ATP2A3: variants seen among roughly 807,000 people sequenced by gnomAD.
The protein encoded by ATP2A3 is sarcoplasmic/endoplasmic reticulum calcium ATPase 3.
In ATP2A3, 61 loss-of-function variants were observed where a neutral mutation model predicts 106.8. The observed-to-expected ratio is 0.57, with a 90% CI of 0.46 to 0.71. The LOEUF (loss-of-function observed/expected upper bound fraction) is 0.71, where lower values mean the gene tolerates loss of function less well. ATP2A3 is among the 30% of genes least tolerant of loss of function. The pLI is 0.00. For synonymous variants in ATP2A3, 611 were observed against 609.3 expected, an observed-to-expected ratio of 1.00 and a Z score of -0.04; for missense variants, 1,201 against 1,423.5, an observed-to-expected ratio of 0.84 and a Z score of 2.52.
chr17:3,945,229 C>A, intron 8 of ATP2A3, 81 bp from the exon 9 acceptor site: 1 of 1,367,776 alleles, frequency 7.3e-7, no homozygotes, highest in African/African-American at 1.5e-5. Context: ...AGGGTGGGGT[C>A]CTGCAGGCCC....
Position 3,930,394 on chromosome 17 carries a change from G to A in ATP2A3, c.2651C>T (p.Ala884Val), listed in dbSNP as rs147136003. Residue 884 changes from alanine (A) to valine (V), a missense_variant, in exon 18 of 21, where the codon GCC becomes GTC. Around this residue, in one of 2 missense-constraint regions of ATP2A3, gnomAD observed 935 missense variants for 1,176.7 expected, o/e 0.79. Transcript: ENST00000397041. The surrounding 1 kb of genome is among the most constrained non-coding windows in gnomAD (Gnocchi z 5.4). ...CTCGAACACCTCACAGTCGATGCCG[G>A]CAAAGAGCGGGTTGTCTTCGGAGCA... ...LKCSEDNPLF[A>V]GIDCEVFESR... 17 of 1,613,820 alleles carry A rather than the reference G, an allele frequency of 1.1e-5. No individual in the cohort carries two copies. Among genetic ancestry groups the A allele is most frequent in the African/African-American group, 9.3e-5 (7 of 74,950 alleles).
Position 3,926,920 on chromosome 17 carries a change from CG to C in ATP2A3, c.2981-1480del. The C allele has an allele frequency of 1.0e-6, 1 of 985,466 alleles. No individual in the cohort carries two copies. The highest frequency in any genetic ancestry group is 1.2e-6 in the Non-Finnish European group (1 of 829,936). The allele number at this position is 985,466 out of a possible 1,614,324, so 61.0% of individuals were successfully genotyped here. ...CCTCCATGGTTGACACAGTCCGCACCGTGCTTACACTCCTCCCGTGCTTCCC... is the reference window on the plus strand; with the variant it reads ...CCTCCATGGTTGACACAGTCCGCACCTGCTTACACTCCTCCCGTGCTTCCC... On this transcript the variant is annotated intron_variant, in intron 20 of 20. Coordinates refer to ENST00000397041, the MANE Select transcript of ATP2A3 (RefSeq NM_005173.4). This position sits in a 1 kb window ranked among gnomAD's most constrained non-coding sequence, Gnocchi z 4.6.
At chr17:3,951,559 T>TGC in intron 4 of ATP2A3, 22 bp downstream of exon 4, 7 of 596,236 alleles carry the variant, frequency 1.2e-5, no homozygotes, top group Non-Finnish European at 1.5e-5. Context: ...CCCCGCCCGG[T>TGC]CCCACCCCCA....
At position 3,955,422 on chromosome 17, in the gene ATP2A3, A is replaced by T. The variant is rs2054717543; in HGVS notation, c.119-1712T>A. Among the ~76,000 whole-genome samples, 1 of 152,128 alleles carries T rather than the reference A, an allele frequency of 6.6e-6. No homozygotes were observed. The highest frequency in any genetic ancestry group is 6.5e-5 in the Admixed American group (1 of 15,272). ...ATAGCCTAAAAATACACTTTCTAGC[A>T]TTTTCTCCAAAGTCCTATTTTCGGC... On this transcript the variant is annotated intron_variant, in intron 1 of 20. Transcript: ENST00000397041. The surrounding 1 kb of genome is among the most constrained non-coding windows in gnomAD (Gnocchi z 4.2).
intron 7 of ATP2A3, among the ~76,000 whole-genome samples, chr17:3,950,197 C>T (rs2054335652): frequency 6.7e-6 from 1 of 149,230 alleles, no homozygotes; most frequent in Non-Finnish European, 1.5e-5. Flanking sequence ...GTTTTGCTCT[C>T]GTCACCCAGG....
chr17:3,950,694 C>G lies in ATP2A3; in HGVS notation c.543G>C (p.Thr181=). The change falls in exon 6 of 21, where the codon ACG becomes ACC. Residue 181 remains threonine, a splice_region_variant and synonymous_variant. Transcript: ENST00000397041. ...CCGGCCTCCTGGGGGGGGCCTCACC[C>G]GTCAGGATGGACTGGTCCACTCGCA... ...TTLRVDQSIL[T]GESVSVTKHT... 1.2e-6 allele frequency: 2 copies of G among 1,613,988 alleles called. No homozygotes were observed. The highest frequency in any genetic ancestry group is 1.7e-6 in the Non-Finnish European group (2 of 1,180,010).
intron 1 of ATP2A3, among the ~76,000 whole-genome samples, chr17:3,960,719 C>T (rs370397758): frequency 2.0e-5 from 3 of 152,196 alleles, no homozygotes; most frequent in Admixed American, 1.3e-4. Flanking sequence ...CAGATCAGAC[C>T]GTCTGATCCC....
rs2053447332 is a variant in ATP2A3, at chr17:3,936,476, CAG to C, written c.2322-9_2322-8del. On this transcript the variant is annotated splice_polypyrimidine_tract_variant and splice_region_variant and intron_variant, in intron 15 of 20. Coordinates refer to ENST00000397041, the MANE Select transcript of ATP2A3 (RefSeq NM_005173.4). This position sits in a 1 kb window ranked among gnomAD's most constrained non-coding sequence, Gnocchi z 5.4. ...AATTGCCGTGAGGAAGATGCTGGAA[CAG>C]AGTCATGAGCTCTAGCCCCGGTAGG... 1 of 1,613,810 alleles carries C rather than the reference CAG, an allele frequency of 6.2e-7. No homozygotes were observed. The highest frequency in any genetic ancestry group is 8.5e-7 in the Non-Finnish European group (1 of 1,179,996).
Position 3,964,270 on chromosome 17 carries a change from G to A in ATP2A3, c.22C>T (p.Pro8Ser), listed in dbSNP as rs1169971657. The change falls in exon 1 of 21, where the codon CCG becomes TCG. Residue 8 changes from proline to serine, a missense_variant. Pro to Ser is a moderately conservative substitution (Grantham distance 74, BLOSUM62 -1). This residue lies in a region of ATP2A3 where 266 missense variants were observed against 246.8 expected (regional missense o/e 1.08). Coordinates refer to ENST00000397041, the MANE Select transcript of ATP2A3 (RefSeq NM_005173.4). MEAAHLL[P>S]AADVLRHFSV... Reference sequence around the variant, plus strand: ...AAGTGGCGCAGCACGTCGGCGGCCGGGAGCAGATGCGCCGCCTCCATGCCG... The same window carrying A: ...AAGTGGCGCAGCACGTCGGCGGCCGAGAGCAGATGCGCCGCCTCCATGCCG... 3.1e-6 allele frequency: 4 copies of A among 1,282,866 alleles called. No individual in the cohort carries two copies. Among genetic ancestry groups the A allele is most frequent in the South Asian group, 3.3e-5 (2 of 59,940 alleles). 79.5% of individuals were successfully genotyped at this position (1,282,866 alleles called of 1,614,324 possible). A position where few individuals can be genotyped will look rare whatever the true frequency, so the allele number is the denominator to read the frequency against.
Position 3,964,276 on chromosome 17 carries a change from G to T in ATP2A3, c.16C>A (p.Leu6Met). Residue 6 changes from leucine (L) to methionine (M), a missense_variant, in exon 1 of 21, where the codon CTG becomes ATG. Leu to Met is a conservative substitution (Grantham distance 15). Coordinates refer to ENST00000397041, the MANE Select transcript of ATP2A3 (RefSeq NM_005173.4). MEAAH[L>M]LPAADVLRHF... ...CGCAGCACGTCGGCGGCCGGGAGCA[G>T]ATGCGCCGCCTCCATGCCGCCCGCC... 7.8e-7 allele frequency: 1 copy of T among 1,281,608 alleles called. No homozygotes were observed. Among genetic ancestry groups the T allele is most frequent in the South Asian group, 1.7e-5 (1 of 59,924 alleles). The allele number at this position is 1,281,608 out of a possible 1,614,324, so 79.4% of individuals were successfully genotyped here. A position where few individuals can be genotyped will look rare whatever the true frequency, so the allele number is the denominator to read the frequency against.
rs999341143 is a variant in ATP2A3, at chr17:3,930,526, C to T, written c.2611-92G>A. Reference sequence around the variant, plus strand: ...GAAGCCTCATCCTGCCCTTGGCCCACGCCTGGGCACAACCAGCACACAAAA... The same window carrying T: ...GAAGCCTCATCCTGCCCTTGGCCCATGCCTGGGCACAACCAGCACACAAAA... On this transcript the variant is annotated intron_variant, in intron 17 of 20. Coordinates refer to ENST00000397041, the MANE Select transcript of ATP2A3 (RefSeq NM_005173.4). This position sits in a 1 kb window ranked among gnomAD's most constrained non-coding sequence, Gnocchi z 5.4. 51 of 1,543,990 alleles carry T rather than the reference C, an allele frequency of 3.3e-5. No homozygotes were observed. Among genetic ancestry groups the T allele is most frequent in the South Asian group, 1.0e-4 (9 of 88,106 alleles).
intron 11 of ATP2A3, 59 bp from the exon 12 acceptor site, chr17:3,942,790 TC>T: frequency 6.2e-7 from 1 of 1,601,568 alleles, no homozygotes. Context: ...TCGCCTGCCT[TC>T]CCACCAACTG....
chr17:3,959,005 C>T (rs912574389), intron 1 of ATP2A3, among the ~76,000 whole-genome samples: 1 of 151,502 alleles, frequency 6.6e-6, no homozygotes, highest in East Asian at 1.9e-4. Flanking sequence ...GATTCTCCTG[C>T]CTCAGCCTCC....
rs1567674464 is a variant in ATP2A3, at chr17:3,928,189, GA to G, written c.2980+473del. 3 of 1,609,862 alleles carry G rather than the reference GA, an allele frequency of 1.9e-6. No individual in the cohort carries two copies. The highest frequency in any genetic ancestry group is 2.5e-6 in the Non-Finnish European group (3 of 1,176,484). On this transcript the variant is annotated intron_variant, in intron 20 of 20. Coordinates refer to ENST00000397041, the MANE Select transcript of ATP2A3 (RefSeq NM_005173.4). The surrounding 1 kb of genome is among the most constrained non-coding windows in gnomAD (Gnocchi z 6.1). ...AGGCAGACCCAGAGCTGTGAGCTCAGAAACAACCCTCCCCTTGACCCACCCA... is the reference window on the plus strand; with the variant it reads ...AGGCAGACCCAGAGCTGTGAGCTCAGAACAACCCTCCCCTTGACCCACCCA...
Position 3,928,160 on chromosome 17 carries a change from G to A in ATP2A3, c.2980+503C>T, listed in dbSNP as rs904420624. The A allele has an allele frequency of 1.9e-6, 3 of 1,603,450 alleles. No individual in the cohort carries two copies. Among genetic ancestry groups the A allele is most frequent in the African/African-American group, 1.3e-5 (1 of 74,688 alleles). On this transcript the variant is annotated intron_variant, in intron 20 of 20. Coordinates refer to ENST00000397041, the MANE Select transcript of ATP2A3 (RefSeq NM_005173.4). The surrounding 1 kb of genome is among the most constrained non-coding windows in gnomAD (Gnocchi z 6.1). ...GCCATCCTGTCCTCTCCACTCCGGGGTTAAGGCAGACCCAGAGCTGTGAGC... is the reference window on the plus strand; with the variant it reads ...GCCATCCTGTCCTCTCCACTCCGGGATTAAGGCAGACCCAGAGCTGTGAGC...
At chr17:3,944,965 C>T (rs2054021544) in intron 9 of ATP2A3, 95 bp downstream of exon 9, 2 of 1,320,080 alleles carry the variant, frequency 1.5e-6, no homozygotes, top group Admixed American at 3.8e-5. Context: ...GCCTCCTGGC[C>T]CGCCCCCAGG....
intron 10 of ATP2A3, among the ~76,000 whole-genome samples, chr17:3,944,054 T>C (rs1200851576): frequency 2.0e-5 from 3 of 152,164 alleles, no homozygotes; most frequent in Non-Finnish European, 4.4e-5. Flanking sequence ...TAAATGTCTC[T>C]GACCCATACC....
At position 3,936,636 on chromosome 17, in the gene ATP2A3, G is replaced by C. The variant is rs2053458766; in HGVS notation, c.2322-167C>G. The C allele has an allele frequency of 1.4e-6, 1 of 740,454 alleles. No homozygotes were observed. Among genetic ancestry groups the C allele is most frequent in the Non-Finnish European group, 2.3e-6 (1 of 431,574 alleles). The allele number at this position is 740,454 out of a possible 1,614,324, so 45.9% of individuals were successfully genotyped here. A position where few individuals can be genotyped will look rare whatever the true frequency, so the allele number is the denominator to read the frequency against. On this transcript the variant is annotated intron_variant, in intron 15 of 20. Coordinates refer to ENST00000397041, the MANE Select transcript of ATP2A3 (RefSeq NM_005173.4). The surrounding 1 kb of genome is among the most constrained non-coding windows in gnomAD (Gnocchi z 5.4). ...GTGAAGGGTGTGTGTACACAGCTCT[G>C]CCTCGGGCCTGGCCAGTCCTGCCTT...
intron 11 of ATP2A3, 31 bp downstream of exon 11, chr17:3,943,360 G>T (rs772576833): frequency 6.2e-7 from 1 of 1,611,712 alleles, no homozygotes; most frequent in Non-Finnish European, 8.5e-7. Context: ...CAGCCATGCA[G>T]CCGGAGGCCT....
Sources: allele counts gnomAD v4.1 joint callset (sites outside exome capture counted in the v4.1 genomes callset), GRCh38; gene constraint gnomAD v4.1.1; regional missense constraint gnomAD v4.1.1; non-coding constraint Gnocchi (gnomAD v3.1); transcripts MANE v1.5; gene names NCBI Gene and HGNC (gene_info 2026-07-23, HGNC 2026-07-21).